Variants in ITCH observed in about 807,000 individuals in gnomAD.
ITCH encodes E3 ubiquitin-protein ligase Itchy homolog.
In ITCH, 28 loss-of-function variants were observed where a neutral mutation model predicts 126.8. The ratio of observed to expected loss-of-function variants is 0.22; its 90% CI spans 0.16 to 0.30. The LOEUF (loss-of-function observed/expected upper bound fraction) is 0.30. Ranked by LOEUF, ITCH falls within the 10% of genes least tolerant of loss-of-function variation. ITCH has a pLI of 1.00. For missense variants in ITCH, 631 were observed against 1,032.4 expected, an observed-to-expected ratio of 0.61 and a Z score of 5.33; for synonymous variants, 342 against 340.0, an observed-to-expected ratio of 1.01 and a Z score of -0.06.
At chr20:34,366,281 G>A (rs969608398) in intron 1 of ITCH, among the ~76,000 whole-genome samples, 1 of 152,140 alleles carries the variant, frequency 6.6e-6, no homozygotes, top group South Asian at 2.1e-4. Flanking sequence ...GTCTCACCCA[G>A]TCACGCAGGA....
chr20:34,470,578 C>T (rs1406204611), intron 15 of ITCH, among the ~76,000 whole-genome samples: 1 of 152,024 alleles, frequency 6.6e-6, no homozygotes, highest in Non-Finnish European at 1.5e-5. Flanking sequence ...ATAATTTTAA[C>T]CAGCTACTTT....
intron 7 of ITCH, among the ~76,000 whole-genome samples, chr20:34,435,413 T>C (rs1304068653): frequency 6.6e-6 from 1 of 152,120 alleles, no homozygotes; most frequent in Non-Finnish European, 1.5e-5. Context: ...AAGTGATCTG[T>C]CCACCTTGGC....
intron 12 of ITCH, among the ~76,000 whole-genome samples, chr20:34,454,043 A>G (rs1834770579): frequency 6.6e-6 from 1 of 152,146 alleles, no homozygotes; most frequent in Non-Finnish European, 1.5e-5. Context: ...GATTCTGCAA[A>G]TAAATTTTTA....
chr20:34,483,936 T>C (rs1464559829), intron 20 of ITCH, among the ~76,000 whole-genome samples: 2 of 152,190 alleles, frequency 1.3e-5, no homozygotes, highest in African/African-American at 4.8e-5. Flanking sequence ...AAGGCATGTC[T>C]TACATGAATG....
At chr20:34,391,583 T>G (rs1273464132) in intron 2 of ITCH, among the ~76,000 whole-genome samples, 1 of 152,228 alleles carries the variant, frequency 6.6e-6, no homozygotes, top group Non-Finnish European at 1.5e-5. Flanking sequence ...ATAATATACA[T>G]TATTTCTAAT....
intron 8 of ITCH, among the ~76,000 whole-genome samples, chr20:34,438,901 A>G (rs1983386951): frequency 6.6e-6 from 1 of 152,232 alleles, no homozygotes; most frequent in African/African-American, 2.4e-5. Context: ...ACATGGCAAT[A>G]ACATTGTACC....
intron 3 of ITCH, among the ~76,000 whole-genome samples, chr20:34,401,977 G>C (rs77864814): frequency 3.3e-5 from 5 of 152,150 alleles, no homozygotes; most frequent in Admixed American, 1.3e-4. Context: ...GATACGGGGG[G>C]GCGGCGCATA....
At chr20:34,424,356 T>G in intron 6 of ITCH, 124 bp from the exon 7 acceptor site, 1 of 774,906 alleles carries the variant, frequency 1.3e-6, no homozygotes. Context: ...GAATTTAAGT[T>G]ATAGTATGTT....
At chr20:34,370,901 G>C (rs1317808578) in intron 2 of ITCH, among the ~76,000 whole-genome samples, 1 of 152,106 alleles carries the variant, frequency 6.6e-6, no homozygotes, top group Non-Finnish European at 1.5e-5. Flanking sequence ...GGGCGCGGTG[G>C]CTCACGCCTG....
chr20:34,425,962 C>A (rs1981459020), intron 7 of ITCH, among the ~76,000 whole-genome samples: 2 of 152,226 alleles, frequency 1.3e-5, no homozygotes, highest in African/African-American at 4.8e-5. Flanking sequence ...ACGAGAAATA[C>A]CCACAGGTAT....
At chr20:34,420,737 G>A (rs1328317635) in intron 6 of ITCH, among the ~76,000 whole-genome samples, 1 of 151,878 alleles carries the variant, frequency 6.6e-6, no homozygotes, top group Non-Finnish European at 1.5e-5. Flanking sequence ...GTATATAAAT[G>A]GTTTTTTGTC....
chr20:34,439,352 C>T (rs1017097188), intron 8 of ITCH, among the ~76,000 whole-genome samples: 28 of 152,162 alleles, frequency 1.8e-4, no homozygotes, highest in Admixed American at 5.2e-4. Flanking sequence ...AGCTCACTGC[C>T]ACCTCTACTT....
intron 2 of ITCH, among the ~76,000 whole-genome samples, chr20:34,380,510 A>G (rs1177621856): frequency 2.8e-5 from 4 of 141,336 alleles, no homozygotes; most frequent in Admixed American, 7.3e-5. Context: ...GTAAGAGTTT[A>G]TTGTAAATTC....
At position 34,408,715 on chromosome 20, in the gene ITCH, C is replaced by A. The variant is rs746105898; in HGVS notation, c.135C>A (p.Val45=). The part of the protein sequence containing the change: ...NWFGPSPYVE[V]TVDGQSKKTE... The stretch of plus-strand genomic sequence containing the variant: ...TTGGACCAAGTCCTTACGTAGAGGT[C>A]ACAGTAGATGGACAGTCAAAGAAGA... Residue 45 remains valine, a synonymous_variant, in exon 4 of 25, where the codon GTC becomes GTA. Transcript: ENST00000374864. The A allele has an allele frequency of 5.0e-6, 8 of 1,613,768 alleles. No individual in the cohort carries two copies. The South Asian group carries it at 8.8e-5, about 18-fold the overall frequency.
At chr20:34,377,031 G>GGATTACAT in intron 2 of ITCH, among the ~76,000 whole-genome samples, 2 of 152,200 alleles carry the variant, frequency 1.3e-5, no homozygotes, top group East Asian at 3.9e-4. Context: ...CCTTGTTGAT[G>GGATTACAT]GATTACATAC....
chr20:34,369,191 G>A (rs2037527978), intron 1 of ITCH, among the ~76,000 whole-genome samples: 1 of 152,116 alleles, frequency 6.6e-6, no homozygotes. Flanking sequence ...AGCCAGGCGT[G>A]GGGGTGCACG....
At chr20:34,387,913 C>T (rs914451480) in intron 2 of ITCH, among the ~76,000 whole-genome samples, 1 of 152,020 alleles carries the variant, frequency 6.6e-6, no homozygotes, top group African/African-American at 2.4e-5. Flanking sequence ...CCATGTTGGA[C>T]AGGATGGTCT....
intron 7 of ITCH, among the ~76,000 whole-genome samples, chr20:34,432,547 T>C (rs1324753498): frequency 6.6e-6 from 1 of 152,260 alleles, no homozygotes; most frequent in Admixed American, 6.5e-5. Flanking sequence ...CATTTTTGCT[T>C]ACCAAATTGG....
intron 2 of ITCH, among the ~76,000 whole-genome samples, chr20:34,385,203 GT>G (rs1483064049): frequency 9.2e-5 from 13 of 140,876 alleles, no homozygotes; most frequent in African/African-American, 3.5e-4. Flanking sequence ...GTGTGTGTGT[GT>G]GTGTGTGTGT....
Sources: allele counts gnomAD v4.1 joint callset (sites outside exome capture counted in the v4.1 genomes callset), GRCh38; gene constraint gnomAD v4.1.1; transcripts MANE v1.5; gene names NCBI Gene and HGNC (gene_info 2026-07-23, HGNC 2026-07-21).